AKAP6: variants seen among roughly 807,000 people sequenced by gnomAD.
AKAP6 encodes the protein A-kinase anchoring protein 6, also known as A-kinase anchor protein 6.
Under a neutral mutation model 188.5 loss-of-function variants are expected in AKAP6, and 58 were observed. The observed-to-expected ratio is 0.31, with a 90% CI of 0.25 to 0.38. AKAP6 has a LOEUF of 0.38. Among genes scored for constraint, AKAP6 ranks in the 10% least tolerant of loss-of-function variants. The pLI, the probability that AKAP6 is intolerant of heterozygous loss-of-function variation, is 1.00. For synonymous variants in AKAP6, 989 were observed against 998.6 expected, an observed-to-expected ratio of 0.99 and a Z score of 0.18; for missense variants, 2,710 against 2,740.0, an observed-to-expected ratio of 0.99 and a Z score of 0.24.
At chr14:32,728,398 C>T (rs2030996884) in intron 9 of AKAP6, among the ~76,000 whole-genome samples, 2 of 150,042 alleles carry the variant, frequency 1.3e-5, no homozygotes, top group African/African-American at 2.5e-5. Context: ...ATCTATCAAT[C>T]GTATCTATCA....
At chr14:32,390,764 A>G (rs1888687067) in intron 1 of AKAP6, among the ~76,000 whole-genome samples, 1 of 152,104 alleles carries the variant, frequency 6.6e-6, no homozygotes, top group East Asian at 1.9e-4. Flanking sequence ...TGGGTCCTGC[A>G]GGAGCAATGT....
chr14:32,420,840 G>A (rs1889817395), intron 1 of AKAP6, among the ~76,000 whole-genome samples: 1 of 150,914 alleles, frequency 6.6e-6, no homozygotes, highest in African/African-American at 2.4e-5. Context: ...CTTCTTTCTT[G>A]CTTTACTCCT....
At chr14:32,499,855 A>G (rs939842619) in intron 2 of AKAP6, among the ~76,000 whole-genome samples, 2 of 152,032 alleles carry the variant, frequency 1.3e-5, no homozygotes, top group African/African-American at 4.8e-5. Flanking sequence ...AACTCTGACA[A>G]TTTTAGTTGA....
intron 11 of AKAP6, among the ~76,000 whole-genome samples, chr14:32,763,752 C>T (rs2032616222): frequency 6.6e-6 from 1 of 152,118 alleles, no homozygotes; most frequent in Admixed American, 6.5e-5. Flanking sequence ...TATTTAGCTT[C>T]AATATAGATT....
intron 1 of AKAP6, among the ~76,000 whole-genome samples, chr14:32,409,403 A>G (rs967470978): frequency 6.6e-6 from 1 of 152,166 alleles, no homozygotes; most frequent in Non-Finnish European, 1.5e-5. Context: ...GTTAGAGAGA[A>G]AAACAGTTTT....
At chr14:32,393,808 T>G (rs567148093) in intron 1 of AKAP6, among the ~76,000 whole-genome samples, 25 of 151,974 alleles carry the variant, frequency 1.6e-4, no homozygotes, top group African/African-American at 5.5e-4. Context: ...AAGTACTCTT[T>G]TTCTAAAGAG....
At chr14:32,707,514 T>C (rs1890858656) in intron 9 of AKAP6, among the ~76,000 whole-genome samples, 1 of 152,076 alleles carries the variant, frequency 6.6e-6, no homozygotes, top group Non-Finnish European at 1.5e-5. Context: ...ATGGACTTAG[T>C]AGGCCAAATT....
intron 3 of AKAP6, among the ~76,000 whole-genome samples, chr14:32,540,801 T>C: frequency 6.6e-6 from 1 of 152,192 alleles, no homozygotes; most frequent in Non-Finnish European, 1.5e-5. Flanking sequence ...GAGAACTTTC[T>C]TTTCTTACAA....
intron 12 of AKAP6, among the ~76,000 whole-genome samples, chr14:32,813,579 C>G (rs374129212): frequency 3.3e-5 from 5 of 152,108 alleles, no homozygotes; most frequent in African/African-American, 1.2e-4. Flanking sequence ...GGTATTCTAT[C>G]GCTTAGGAAA....
In AKAP6 at chr14:32,601,833, C is replaced by T. The variant is rs565879053; in HGVS notation, c.2730+1041C>T. ...TTTTTAAATGCAGGCAGAGGAGAAA[C>T]CCATCCAGCCCTGCAATGTTGAGAC... On this transcript the variant is annotated intron_variant, in intron 7 of 13. Transcript: ENST00000280979. Among the ~76,000 whole-genome samples, 5 of 152,292 alleles carry T rather than the reference C, an allele frequency of 3.3e-5. No individual in the cohort carries two copies. In the East Asian group the frequency reaches 9.7e-4, roughly 29 times the overall value.
intron 12 of AKAP6, among the ~76,000 whole-genome samples, chr14:32,815,067 A>G (rs955759266): frequency 6.6e-6 from 1 of 152,222 alleles, no homozygotes; most frequent in African/African-American, 2.4e-5. Flanking sequence ...TTTTGAGAAC[A>G]AAGGCAATTT....
intron 12 of AKAP6, among the ~76,000 whole-genome samples, chr14:32,781,925 G>A (rs1214149497): frequency 2.6e-5 from 4 of 152,118 alleles, no homozygotes; most frequent in Admixed American, 2.6e-4. Context: ...CACTTTGGGA[G>A]GCCGAGGTGG....
At chr14:32,655,218 G>T (rs139793304) in intron 7 of AKAP6, among the ~76,000 whole-genome samples, 363 of 152,180 alleles carry the variant, frequency 2.4e-3, no homozygotes, top group African/African-American at 8.4e-3. Context: ...AAGGTATGAA[G>T]GCCCTACTTA....
At chr14:32,340,213 TTATTTAATATATTAAATAAAACA>T (rs1202781904) in intron 1 of AKAP6, among the ~76,000 whole-genome samples, 1 of 151,812 alleles carries the variant, frequency 6.6e-6, no homozygotes, top group Non-Finnish European at 1.5e-5. Context: ...TTATTAAATG[TTATTTAATATATTAAATAAAACA>T]TATTTAATAT....
intron 2 of AKAP6, among the ~76,000 whole-genome samples, chr14:32,508,732 A>G (rs999455100): frequency 1.3e-5 from 2 of 152,236 alleles, no homozygotes; most frequent in Non-Finnish European, 2.9e-5. Context: ...CAAATATAGA[A>G]TATGATCTAG....
chr14:32,556,253 A>G (rs1020451400), intron 4 of AKAP6, among the ~76,000 whole-genome samples: 2 of 152,160 alleles, frequency 1.3e-5, no homozygotes, highest in African/African-American at 4.8e-5. Context: ...TTTGTATATC[A>G]TCTTTGGAGA....
At chr14:32,561,971 T>G (rs1296366653) in intron 4 of AKAP6, among the ~76,000 whole-genome samples, 1 of 152,202 alleles carries the variant, frequency 6.6e-6, no homozygotes, top group Non-Finnish European at 1.5e-5. Flanking sequence ...AGGTCACTCA[T>G]GATGTCAGGC....
At chr14:32,595,620 C>T (rs1236716604) in intron 5 of AKAP6, among the ~76,000 whole-genome samples, 3 of 152,080 alleles carry the variant, frequency 2.0e-5, no homozygotes, top group South Asian at 2.1e-4. Flanking sequence ...GCAGTCTTCC[C>T]GCCTCAGCTT....
At chr14:32,491,914 G>A (rs932800633) in intron 2 of AKAP6, among the ~76,000 whole-genome samples, 8 of 151,960 alleles carry the variant, frequency 5.3e-5, no homozygotes, top group African/African-American at 1.5e-4. Context: ...TTTAATTGAC[G>A]TTCTCCACCA....
Sources: allele counts gnomAD v4.1 joint callset (sites outside exome capture counted in the v4.1 genomes callset), GRCh38; gene constraint gnomAD v4.1.1; transcripts MANE v1.5; gene names NCBI Gene and HGNC (gene_info 2026-07-23, HGNC 2026-07-21).